FSD1L: variants seen among roughly 807,000 people sequenced by gnomAD.
FSD1L encodes FSD1-like protein.
Under a neutral mutation model 71.6 loss-of-function variants are expected in FSD1L, and 45 were observed. The observed-to-expected ratio is 0.63, with a 90% confidence interval of 0.49 to 0.81. FSD1L has a LOEUF of 0.81. Among genes scored for constraint, FSD1L ranks in the 30% least tolerant of loss-of-function variants. FSD1L has a pLI of 0.00. For synonymous variants in FSD1L, 197 were observed against 207.2 expected, an observed-to-expected ratio of 0.95 and a Z score of 0.42; for missense variants, 561 against 618.1, an observed-to-expected ratio of 0.91 and a Z score of 0.98.
intron 10 of FSD1L, chr9:105,524,170 T>G (rs893644424): frequency 2.5e-6 from 4 of 1,612,118 alleles, no homozygotes; most frequent in Non-Finnish European, 8.5e-7. Context: ...GAAGAACTAG[T>G]CCATGAGTCT....
Position 105,481,141 on chromosome 9 carries a change from C to CTGTGTGTGTGTGTGTGTGTGTGTGTG in FSD1L, c.464+1778_464+1803dup, listed in dbSNP as rs376069658. ...TCAGGAATTAGGGTTCAGGCAAACT[C>CTGTGTGTGTGTGTGTGTGTGTGTGTG]TGTGTGTGTGTGTGTGTGTGTGTGT... On this transcript the variant is annotated intron_variant, in intron 6 of 13. Coordinates refer to ENST00000481272, the MANE Select transcript of FSD1L (RefSeq NM_001145313.3). 1.6e-4 allele frequency among the ~76,000 whole-genome samples: 13 copies of CTGTGTGTGTGTGTGTGTGTGTGTGTG among 81,558 alleles called. No individual in the cohort carries two copies. The East Asian group carries it at 2.1e-3, about 13-fold the overall frequency. 53.5% of individuals were successfully genotyped at this position (81,558 alleles called of 152,430 possible). A position where few individuals can be genotyped will look rare whatever the true frequency, so the allele number is the denominator to read the frequency against.
At chr9:105,497,291 A>G (rs1402197430) in intron 7 of FSD1L, among the ~76,000 whole-genome samples, 1 of 152,164 alleles carries the variant, frequency 6.6e-6, no homozygotes, top group African/African-American at 2.4e-5. Flanking sequence ...GATTTTTCAC[A>G]TCTAATTTAT....
intron 2 of FSD1L, among the ~76,000 whole-genome samples, chr9:105,461,924 G>GTCA: frequency 6.7e-6 from 1 of 150,044 alleles, no homozygotes; most frequent in Middle Eastern, 3.4e-3. Context: ...CTACGATTGT[G>GTCA]TCACTGCACT....
At chr9:105,452,657 G>T (rs191812582) in intron 1 of FSD1L, among the ~76,000 whole-genome samples, 71 of 128,548 alleles carry the variant, frequency 5.5e-4, no homozygotes, top group African/African-American at 1.3e-3. Flanking sequence ...CTGCCTGCCT[G>T]CCTGCCTGCC....
At chr9:105,532,023 T>C (rs575548030) in intron 10 of FSD1L, among the ~76,000 whole-genome samples, 18 of 152,338 alleles carry the variant, frequency 1.2e-4, no homozygotes, top group African/African-American at 4.1e-4. Context: ...GAGAAAAGTA[T>C]AGCTGGTTAA....
chr9:105,490,029 A>G (rs1300195505), intron 7 of FSD1L, among the ~76,000 whole-genome samples: 1 of 152,172 alleles, frequency 6.6e-6, no homozygotes, highest in Non-Finnish European at 1.5e-5. Flanking sequence ...CAGTAATGGG[A>G]TGGCTGGGTC....
At chr9:105,545,244 G>T (rs1836914702) in intron 13 of FSD1L, among the ~76,000 whole-genome samples, 1 of 141,496 alleles carries the variant, frequency 7.1e-6, no homozygotes, top group Non-Finnish European at 1.5e-5. Context: ...TGGTGTATAG[G>T]AATGCTTGTG....
intron 1 of FSD1L, among the ~76,000 whole-genome samples, chr9:105,460,172 C>T (rs1418131527): frequency 6.6e-6 from 1 of 152,196 alleles, no homozygotes; most frequent in Non-Finnish European, 1.5e-5. Context: ...AAGGCTTTAA[C>T]ACAGATTGTA....
At chr9:105,479,297 A>C in intron 5 of FSD1L, 57 bp from the exon 6 acceptor site, 1 of 1,508,410 alleles carries the variant, frequency 6.6e-7, no homozygotes, top group Non-Finnish European at 9.0e-7. Context: ...CTGCCATTGA[A>C]ACTTGCATGA....
chr9:105,517,130 A>G (rs1834777790), intron 10 of FSD1L, among the ~76,000 whole-genome samples: 1 of 152,236 alleles, frequency 6.6e-6, no homozygotes, highest in South Asian at 2.1e-4. Context: ...TAGAGAAAAA[A>G]GAATAATAGG....
chr9:105,541,152 A>G (rs1425681784), intron 13 of FSD1L, among the ~76,000 whole-genome samples: 1 of 152,152 alleles, frequency 6.6e-6, no homozygotes, highest in Non-Finnish European at 1.5e-5. Flanking sequence ...TTTATTCCAG[A>G]TACTTTAATC....
At chr9:105,535,430 A>C in intron 12 of FSD1L, 112 bp downstream of exon 12, 5 of 1,131,250 alleles carry the variant, frequency 4.4e-6, no homozygotes. Flanking sequence ...GGACATTTTG[A>C]TCAGGTAGGC....
intron 10 of FSD1L, chr9:105,520,679 CTG>C (rs1835089868): frequency 1.2e-6 from 2 of 1,613,256 alleles, no homozygotes; most frequent in South Asian, 1.1e-5. Context: ...TTCAGAATAA[CTG>C]TAGCAAAGAA....
chr9:105,492,388 T>C lies in FSD1L; in HGVS notation c.586+7886T>C, dbSNP rs186479336. ...ATTGTGTCTATTTGATTCTTCTCTC[T>C]TTTCTTCTTTATTAGTCTTGCTAGG... is the stretch of plus-strand genomic sequence containing the variant. On this transcript the variant is annotated intron_variant, in intron 7 of 13. Coordinates refer to ENST00000481272, the MANE Select transcript of FSD1L (RefSeq NM_001145313.3). Among the ~76,000 whole-genome samples the C allele has an allele frequency of 9.2e-3, 1,403 of 152,292 alleles. 23 individuals carry two copies. The highest frequency in any genetic ancestry group is 0.032 in the African/African-American group (1,343 of 41,538).
At chr9:105,471,352 T>A (rs1193102219) in intron 4 of FSD1L, among the ~76,000 whole-genome samples, 1 of 152,114 alleles carries the variant, frequency 6.6e-6, no homozygotes, top group Non-Finnish European at 1.5e-5. Flanking sequence ...TTCTTTCTGC[T>A]TGAATATATG....
intron 1 of FSD1L, among the ~76,000 whole-genome samples, chr9:105,449,303 TA>T (rs922503280): frequency 2.0e-5 from 3 of 152,258 alleles, no homozygotes; most frequent in African/African-American, 7.2e-5. Flanking sequence ...GATTTCATTG[TA>T]TGTGTTGGTC....
chr9:105,446,871 G>A (rs1413742399), upstream of FSD1L, among the ~76,000 whole-genome samples: 2 of 151,706 alleles, frequency 1.3e-5, no homozygotes, highest in Admixed American at 6.6e-5. Context: ...CTGTCTAATT[G>A]AACTTTTGTG....
At chr9:105,535,994 C>G (rs1294859102) in intron 12 of FSD1L, among the ~76,000 whole-genome samples, 1 of 152,164 alleles carries the variant, frequency 6.6e-6, no homozygotes, top group East Asian at 1.9e-4. Flanking sequence ...GGGGTTTCCC[C>G]TCAATATCAG....
chr9:105,508,185 T>G (rs1450042185), intron 8 of FSD1L, among the ~76,000 whole-genome samples: 1 of 145,960 alleles, frequency 6.9e-6, no homozygotes, highest in Non-Finnish European at 1.5e-5. Context: ...TTTTTTTTTT[T>G]TTTTTTTTTT....
Sources: gnomAD v4.1 joint callset for allele counts (sites outside exome capture counted in the v4.1 genomes callset) on GRCh38, gnomAD v4.1.1 for gene constraint, MANE v1.5 for transcripts, NCBI Gene and HGNC (gene_info 2026-07-23, HGNC 2026-07-21) for gene names.